COL5A1: variants seen among roughly 807,000 people sequenced by gnomAD.
COL5A1 encodes the protein collagen type V alpha 1 chain.
COL5A1 carries 16 observed loss-of-function variants against 263.7 expected under a neutral mutation model. The observed-to-expected ratio is 0.06, with a 90% CI of 0.04 to 0.09. COL5A1 has a LOEUF of 0.09. COL5A1 is among the 10% of genes least tolerant of loss of function. COL5A1 has a pLI of 1.00. For missense variants in COL5A1, 2,036 were observed against 2,540.5 expected (o/e 0.80, Z 4.27); for synonymous variants, 1,012 against 1,004.5 (o/e 1.01, Z -0.14).
chr9:134,756,889 C>T (rs1835995875), intron 17 of COL5A1, 71 bp downstream of exon 17: 2 of 1,440,848 alleles, frequency 1.4e-6, no homozygotes, highest in Non-Finnish European at 2.0e-6. Context: ...ATGATGTAAC[C>T]AAAATGCTGG....
chr9:134,818,947 G>C lies in COL5A1; in HGVS notation c.4392+46G>C. ...TGAGCATAGCGGGTGGGATGACTTC[G>C]CCACCCAAAGCCCCAAGGATGAGGA... On this transcript the variant is annotated intron_variant, in intron 56 of 65. Coordinates refer to ENST00000371817, the MANE Select transcript of COL5A1 (RefSeq NM_000093.5). The surrounding 1 kb of genome is among the most constrained non-coding windows in gnomAD (Gnocchi z 6.0). 1 of 1,612,796 alleles carries C rather than the reference G, an allele frequency of 6.2e-7. No homozygotes were observed. The highest frequency in any genetic ancestry group is 1.1e-5 in the South Asian group (1 of 91,060).
chr9:134,752,330 A>ATCCT (rs1415472059), intron 13 of COL5A1, among the ~76,000 whole-genome samples: 1 of 151,644 alleles, frequency 6.6e-6, no homozygotes, highest in Non-Finnish European at 1.5e-5. Flanking sequence ...GATGGGGCCT[A>ATCCT]TCCCCCAAGG....
At position 134,818,661 on chromosome 9, in the gene COL5A1, A is replaced by G; in HGVS notation, c.4236A>G (p.Glu1412=). Residue 1412 remains glutamate (E), a synonymous_variant, in exon 55 of 66, where the codon GAA becomes GAG. Transcript: ENST00000371817. The surrounding 1 kb of genome is among the most constrained non-coding windows in gnomAD (Gnocchi z 6.0). ...GRQGEKGAKG[E]AGLEGPPGKT... ...TGCCCTCCGCCGTCCTGCAGGGAGA[A>G]GCCGGCTTGGAAGGCCCTCCTGGGA... 2 of 1,606,888 alleles carry G rather than the reference A, an allele frequency of 1.2e-6. No homozygotes were observed. The highest frequency in any genetic ancestry group is 2.2e-5 in the East Asian group (1 of 44,644).
chr9:134,784,767 C>T (rs1837388889), intron 29 of COL5A1, among the ~76,000 whole-genome samples: 1 of 152,284 alleles, frequency 6.6e-6, no homozygotes, highest in Non-Finnish European at 1.5e-5. Context: ...CAGAGACCAG[C>T]TTCCGCAGAG....
chr9:134,762,360 T>C (rs1002545944), intron 19 of COL5A1, among the ~76,000 whole-genome samples: 1 of 152,124 alleles, frequency 6.6e-6, no homozygotes, highest in African/African-American at 2.4e-5. Flanking sequence ...TGGAGGCATG[T>C]GGGTGGCAGA....
intron 51 of COL5A1, 109 bp downstream of exon 51, chr9:134,815,738 G>C: frequency 2.2e-6 from 3 of 1,354,610 alleles, no homozygotes; most frequent in Non-Finnish European, 3.1e-6. Context: ...CTCCCACTGG[G>C]GCAGGCAATG....
intron 14 of COL5A1, 72 bp from the exon 15 acceptor site, chr9:134,753,778 C>T: frequency 1.2e-6 from 1 of 806,080 alleles, no homozygotes; most frequent in Non-Finnish European, 2.1e-6. Flanking sequence ...CCCTCCCCTG[C>T]CACCCCCAGC....
In COL5A1 at chr9:134,691,066, G is replaced by C. The variant is rs1167718025; in HGVS notation, c.264G>C (p.Lys88Asn). 1 of 1,613,310 alleles carries C rather than the reference G, an allele frequency of 6.2e-7. No individual in the cohort carries two copies. The highest frequency in any genetic ancestry group is 8.5e-7 in the Non-Finnish European group (1 of 1,180,050). ...ACGCGCAGCTCAGCGCACCCACCAA[G>C]CAGCTGTACCCTGGTAAGTGCCGCA... is the stretch of plus-strand genomic sequence containing the variant. ...TKDAQLSAPTKQLYPASAFPE... is the reference protein window; with the variant it reads ...TKDAQLSAPTNQLYPASAFPE... The change falls in exon 2 of 66, where the codon AAG (lysine) becomes AAC (asparagine). Residue 88 changes from lysine to asparagine, a missense_variant. Transcript: ENST00000371817.
At chr9:134,824,473 A>G (rs1839168336) in intron 61 of COL5A1, 127 bp from the exon 62 acceptor site, 2 of 1,181,252 alleles carry the variant, frequency 1.7e-6, no homozygotes, top group African/African-American at 1.5e-5. Context: ...ACAGATGTCC[A>G]TGTAGCCCAG....
At position 134,758,144 on chromosome 9, in the gene COL5A1, G is replaced by A. The variant is rs570082250; in HGVS notation, c.1882-99G>A. On this transcript the variant is annotated intron_variant, in intron 17 of 65. Transcript: ENST00000371817. This position sits in a 1 kb window ranked among gnomAD's most constrained non-coding sequence, Gnocchi z 4.1. ...AGGGTGCATAGATGCTGTGTGAAAC[G>A]TGGTCCAAGGCGGGGCGGCCATCAC... 21 of 1,216,810 alleles carry A rather than the reference G, an allele frequency of 1.7e-5. No individual in the cohort carries two copies. Among genetic ancestry groups the A allele is most frequent in the South Asian group, 9.6e-5 (8 of 82,934 alleles). 75.4% of individuals were successfully genotyped at this position (1,216,810 alleles called of 1,614,324 possible).
chr9:134,806,327 T>A (rs1411299442), intron 42 of COL5A1, 31 bp downstream of exon 42: 21 of 1,463,400 alleles, frequency 1.4e-5, no homozygotes, highest in Non-Finnish European at 2.0e-5. Context: ...GGGGAGCCCT[T>A]CCCTCAGAGA....
intron 65 of COL5A1, among the ~76,000 whole-genome samples, chr9:134,839,468 C>T (rs374831985): frequency 3.9e-5 from 6 of 152,216 alleles, no homozygotes; most frequent in Admixed American, 2.6e-4. Flanking sequence ...CTGGTGCCAT[C>T]GCTGAGAAGG....
At position 134,812,766 on chromosome 9, in the gene COL5A1, GTGTGTGTC is replaced by G. The variant is rs879323430; in HGVS notation, c.3852+62_3852+69del. 0.094 allele frequency: 108,709 copies of G among 1,152,942 alleles called. 4,166 individuals are homozygous for G. The highest frequency in any genetic ancestry group is 0.17 in the African/African-American group (10,428 of 61,190). 71.4% of individuals were successfully genotyped at this position (1,152,942 alleles called of 1,614,324 possible). A position where few individuals can be genotyped will look rare whatever the true frequency, so the allele number is the denominator to read the frequency against. ...ATTTGCGGTTGTTTGAGGAGTGTGT[GTGTGTGTC>G]TGTGTGTGTGTGTCTGTGTGTATGT... On this transcript the variant is annotated intron_variant, in intron 48 of 65. Transcript: ENST00000371817.
chr9:134,807,127 TCCC>T (rs1179531075), intron 42 of COL5A1, among the ~76,000 whole-genome samples: 1 of 152,212 alleles, frequency 6.6e-6, no homozygotes, highest in Non-Finnish European at 1.5e-5. Flanking sequence ...TTTTGCAGTG[TCCC>T]CTACCTCTGC....
rs557244385 is a variant in COL5A1, at chr9:134,841,939, G to A, written c.5371-218G>A. ...CTGATGCCCACACCACCCCACCTCC[G>A]ACCTGTGCAGGGGGACTCTTGGGAC... On this transcript the variant is annotated intron_variant, in intron 65 of 65. Coordinates refer to ENST00000371817, the MANE Select transcript of COL5A1 (RefSeq NM_000093.5). The surrounding 1 kb of genome is among the most constrained non-coding windows in gnomAD (Gnocchi z 4.8). Among the ~76,000 whole-genome samples, 177 of 152,236 alleles carry A rather than the reference G, an allele frequency of 1.2e-3. No individual in the cohort carries two copies. The highest frequency in any genetic ancestry group is 3.6e-3 in the African/African-American group (149 of 41,546).
At chr9:134,759,683 C>G (rs1400812054) in intron 18 of COL5A1, among the ~76,000 whole-genome samples, 1 of 110,528 alleles carries the variant, frequency 9.0e-6, no homozygotes, top group East Asian at 3.3e-4. Context: ...CACACCCCCA[C>G]ACTCATACAC....
At chr9:134,823,363 A>C in intron 60 of COL5A1, 53 bp from the exon 61 acceptor site, 1 of 1,597,328 alleles carries the variant, frequency 6.3e-7, no homozygotes, top group Non-Finnish European at 8.6e-7. Flanking sequence ...AGGTGGATTC[A>C]AAGTCCCCTC....
At chr9:134,760,825 C>T (rs1836385657) in intron 18 of COL5A1, among the ~76,000 whole-genome samples, 1 of 149,222 alleles carries the variant, frequency 6.7e-6, no homozygotes, top group East Asian at 2.0e-4. Context: ...CACATGCATA[C>T]ACACATGCAC....
intron 1 of COL5A1, among the ~76,000 whole-genome samples, chr9:134,673,316 T>C (rs1425417362): frequency 1.3e-5 from 2 of 152,174 alleles, no homozygotes; most frequent in South Asian, 2.1e-4. Flanking sequence ...GAAAGACATA[T>C]AGACCAATGG....
Sources: allele counts gnomAD v4.1 joint callset (sites outside exome capture counted in the v4.1 genomes callset), GRCh38; gene constraint gnomAD v4.1.1; non-coding constraint Gnocchi (gnomAD v3.1); transcripts MANE v1.5; gene names NCBI Gene and HGNC (gene_info 2026-07-23, HGNC 2026-07-21).